DARS1: variants seen among roughly 807,000 people sequenced by gnomAD.
The protein encoded by DARS1 is aspartyl-tRNA synthetase 1.
Under a neutral mutation model 68.8 loss-of-function variants are expected in DARS1, and 51 were observed. The ratio of observed to expected loss-of-function variants is 0.74; its 90% CI spans 0.59 to 0.94. The LOEUF (loss-of-function observed/expected upper bound fraction) is 0.94, where lower values mean the gene tolerates loss of function less well. Among genes scored for constraint, DARS1 ranks in the 40% least tolerant of loss-of-function variants. The pLI is 0.00. For missense variants in DARS1, 607 were observed against 597.3 expected (o/e 1.02, Z -0.17); for synonymous variants, 203 against 190.4 (o/e 1.07, Z -0.55).
At chr2:135,916,477 C>T (rs1209133510) in intron 10 of DARS1, 105 bp from the exon 11 acceptor site, 4 of 542,114 alleles carry the variant, frequency 7.4e-6, no homozygotes, top group Admixed American at 5.7e-5. Context: ...TCAGTATATA[C>T]ACCAGGAAAA....
chr2:135,911,559 A>G, intron 13 of DARS1, 66 bp from the exon 14 acceptor site: 2 of 725,130 alleles, frequency 2.8e-6, no homozygotes, highest in Non-Finnish European at 4.9e-6. Flanking sequence ...ATATACGGAA[A>G]AAAATCTCTG....
intron 3 of DARS1, among the ~76,000 whole-genome samples, chr2:135,978,249 T>C (rs1449528911): frequency 6.6e-6 from 1 of 151,342 alleles, no homozygotes; most frequent in Non-Finnish European, 1.5e-5. Flanking sequence ...TTTAAAATAA[T>C]GGGCATGTAT....
chr2:135,984,123 A>C (rs1197651555), intron 1 of DARS1, among the ~76,000 whole-genome samples: 1 of 152,206 alleles, frequency 6.6e-6, no homozygotes, highest in Non-Finnish European at 1.5e-5. Context: ...CTAGGGTCCA[A>C]TCTGTTAACA....
intron 7 of DARS1, among the ~76,000 whole-genome samples, chr2:135,928,141 T>C (rs1681264370): frequency 6.6e-6 from 1 of 152,204 alleles, no homozygotes. Flanking sequence ...CCATGTTGTA[T>C]TAGACTTGTA....
At chr2:135,922,044 C>T (rs946038925) in intron 9 of DARS1, among the ~76,000 whole-genome samples, 2 of 152,146 alleles carry the variant, frequency 1.3e-5, no homozygotes, top group African/African-American at 4.8e-5. Context: ...TTTTCACTTA[C>T]AATTAGCTTC....
intron 15 of DARS1, among the ~76,000 whole-genome samples, chr2:135,909,694 T>C (rs1302841639): frequency 6.6e-6 from 1 of 152,200 alleles, no homozygotes; most frequent in Non-Finnish European, 1.5e-5. Context: ...GTGCCTGATG[T>C]GCTAATTTGT....
chr2:135,938,493 T>G (rs905672481), intron 5 of DARS1, among the ~76,000 whole-genome samples: 13 of 152,240 alleles, frequency 8.5e-5, no homozygotes, highest in Non-Finnish European at 1.8e-4. Flanking sequence ...CTTCTCTCAA[T>G]TTGTCAAAGT....
chr2:135,979,019 C>A, intron 3 of DARS1: 6 of 268,528 alleles, frequency 2.2e-5, no homozygotes, highest in African/African-American at 4.5e-5. Flanking sequence ...AATAATTAAA[C>A]TTTAGAGCGA....
intron 4 of DARS1, among the ~76,000 whole-genome samples, chr2:135,957,231 A>ATT (rs777305714): frequency 3.6e-5 from 5 of 140,656 alleles, no homozygotes; most frequent in African/African-American, 5.2e-5. Flanking sequence ...TATCCTACTA[A>ATT]TTTTTTTTTT....
At chr2:135,932,978 A>G (rs1326612280) in intron 6 of DARS1, 136 bp from the exon 7 acceptor site, 2 of 549,870 alleles carry the variant, frequency 3.6e-6, no homozygotes, top group Non-Finnish European at 6.3e-6. Flanking sequence ...CGAAAATCAG[A>G]TAATGGTAGA....
chr2:135,919,030 C>T (rs1681058919), intron 10 of DARS1, among the ~76,000 whole-genome samples: 1 of 152,108 alleles, frequency 6.6e-6, no homozygotes, highest in African/African-American at 2.4e-5. Context: ...TGATTGATTT[C>T]TACATTCTAT....
intron 3 of DARS1, among the ~76,000 whole-genome samples, chr2:135,977,270 A>C (rs1682521763): frequency 6.6e-6 from 1 of 152,250 alleles, no homozygotes; most frequent in Non-Finnish European, 1.5e-5. Flanking sequence ...AGGATTGGAA[A>C]GGTTATGCAA....
chr2:135,929,114 G>C (rs1381252513), intron 7 of DARS1, among the ~76,000 whole-genome samples: 1 of 152,100 alleles, frequency 6.6e-6, no homozygotes, highest in Non-Finnish European at 1.5e-5. Context: ...CCTATGGAGG[G>C]ACCCTGTGAT....
chr2:135,949,959 A>G (rs1485667836), intron 4 of DARS1, among the ~76,000 whole-genome samples: 2 of 152,236 alleles, frequency 1.3e-5, no homozygotes, highest in Non-Finnish European at 2.9e-5. Flanking sequence ...AGTAAATGCT[A>G]AGATCGTTAT....
At chr2:135,975,385 G>GA (rs1457083230) in intron 3 of DARS1, among the ~76,000 whole-genome samples, 3 of 151,870 alleles carry the variant, frequency 2.0e-5, no homozygotes, top group Admixed American at 2.0e-4. Context: ...GCACAGACAT[G>GA]AAAAGATATC....
At chr2:135,943,981 CTTCT>C (rs1470962634) in intron 4 of DARS1, among the ~76,000 whole-genome samples, 3 of 152,146 alleles carry the variant, frequency 2.0e-5, no homozygotes, top group Non-Finnish European at 4.4e-5. Flanking sequence ...CTACCTTTAG[CTTCT>C]GAGTATACTC....
chr2:135,912,416 T>C (rs566938799), intron 13 of DARS1, 70 bp downstream of exon 13: 222 of 674,270 alleles, frequency 3.3e-4, no homozygotes, highest in Non-Finnish European at 8.2e-5. Flanking sequence ...ATTCCTATTA[T>C]ACAATCTGAC....
At chr2:135,917,885 A>G (rs1339710955) in intron 10 of DARS1, among the ~76,000 whole-genome samples, 1 of 151,944 alleles carries the variant, frequency 6.6e-6, no homozygotes, top group African/African-American at 2.4e-5. Context: ...TTGATGTAAG[A>G]AGGGTTAAAA....
chr2:135,912,498 G>A lies in DARS1; in HGVS notation c.1218C>T (p.Asp406=). 1 of 1,086,510 alleles carries A rather than the reference G, an allele frequency of 9.2e-7. No homozygotes were observed. Among genetic ancestry groups the A allele is most frequent in the African/African-American group, 1.6e-5 (1 of 63,708 alleles). 67.3% of individuals were successfully genotyped at this position (1,086,510 alleles called of 1,614,324 possible). Residue 406 remains aspartate (D), a synonymous_variant, in exon 13 of 16, where the codon GAC becomes GAT. Coordinates refer to ENST00000264161, the MANE Select transcript of DARS1 (RefSeq NM_001349.4). ...CCAAATTACTTACGGGATTTCTTGG[G>A]TCAGGCATGGTATAGAAAGGTCTTA... ...LAVRPFYTMP[D]PRNPKQSNSY...
Sources: allele counts gnomAD v4.1 joint callset (sites outside exome capture counted in the v4.1 genomes callset), GRCh38; gene constraint gnomAD v4.1.1; transcripts MANE v1.5; gene names NCBI Gene and HGNC (gene_info 2026-07-23, HGNC 2026-07-21).